Variants in DCK observed in about 807,000 individuals in gnomAD.
DCK encodes deoxycytidine kinase, also known as deoxyadenosine kinase.
DCK carries 23 observed loss-of-function variants against 38.3 expected under a neutral mutation model. The ratio of observed to expected loss-of-function variants is 0.60; its 90% CI spans 0.43 to 0.85. DCK has a LOEUF of 0.85. Among genes scored for constraint, DCK ranks in the 40% least tolerant of loss-of-function variants. The pLI is 0.00. For missense variants in DCK, 259 were observed against 304.4 expected (o/e 0.85, Z 1.11); for synonymous variants, 108 against 100.6 (o/e 1.07, Z -0.44).
At chr4:71,027,473 G>A (rs1267588018) in intron 6 of DCK, among the ~76,000 whole-genome samples, 4 of 152,200 alleles carry the variant, frequency 2.6e-5, no homozygotes, top group Admixed American at 6.5e-5. Flanking sequence ...AGAGAGAATA[G>A]TAAGGGAATT....
At chr4:71,016,806 G>T (rs949803671) in intron 2 of DCK, among the ~76,000 whole-genome samples, 1 of 152,152 alleles carries the variant, frequency 6.6e-6, no homozygotes, top group African/African-American at 2.4e-5. Flanking sequence ...AGACTTAAAT[G>T]TTAGACCTAA....
intron 1 of DCK, among the ~76,000 whole-genome samples, chr4:70,997,358 T>G (rs975481816): frequency 6.6e-6 from 1 of 152,196 alleles, no homozygotes; most frequent in African/African-American, 2.4e-5. Context: ...TGGTGGCCAG[T>G]GTTTTTACCA....
intron 2 of DCK, among the ~76,000 whole-genome samples, chr4:70,999,131 T>G (rs758118812): frequency 6.6e-6 from 1 of 152,160 alleles, no homozygotes; most frequent in Non-Finnish European, 1.5e-5. Context: ...CAACCCGTCA[T>G]CTACATTAGG....
At chr4:71,006,100 C>CA (rs1341554941) in intron 2 of DCK, among the ~76,000 whole-genome samples, 1,862 of 20,416 alleles carry the variant, frequency 0.091, 69 homozygotes, top group African/African-American at 0.29. Flanking sequence ...CACTCCATCT[C>CA]AAAAAAAAAA....
At position 71,012,071 on chromosome 4, in the gene DCK, T is replaced by TA. The variant is rs762496369; in HGVS notation, c.208-10295dup. 3.9e-5 allele frequency among the ~76,000 whole-genome samples: 6 copies of TA among 152,220 alleles called. No individual in the cohort carries two copies. The East Asian group carries it at 5.8e-4, about 15-fold the overall frequency. On this transcript the variant is annotated intron_variant, in intron 2 of 6. Transcript: ENST00000286648. ...ATTATCAAAAGAGGGGACTAAAACTTACCTATAACCTTATTATCCAGAGAT... is the reference window on the plus strand; with the variant it reads ...ATTATCAAAAGAGGGGACTAAAACTTAACCTATAACCTTATTATCCAGAGAT...
chr4:71,029,760 T>G lies in DCK; in HGVS notation c.*382T>G, dbSNP rs1740640740. 1 of 190,346 alleles carries G rather than the reference T, an allele frequency of 5.3e-6. No individual in the cohort carries two copies. Among genetic ancestry groups the G allele is most frequent in the Non-Finnish European group, 1.1e-5 (1 of 93,250 alleles). The allele number at this position is 190,346 out of a possible 1,614,324, so 11.8% of individuals were successfully genotyped here. On this transcript the variant is annotated 3_prime_UTR_variant, in exon 7 of 7. Transcript: ENST00000286648. ...GCCTCTCACTTCGTTGGTGACCAGT[T>G]TCTTAAACTGAAAGCTTTAATGTTA...
chr4:71,003,974 T>A (rs1488222109), intron 2 of DCK, among the ~76,000 whole-genome samples: 1 of 152,346 alleles, frequency 6.6e-6, no homozygotes, highest in Non-Finnish European at 1.5e-5. Flanking sequence ...GTCACACTTA[T>A]TCTCCATCCA....
chr4:71,014,301 C>T (rs191607590), intron 2 of DCK, among the ~76,000 whole-genome samples: 7 of 152,192 alleles, frequency 4.6e-5, no homozygotes, highest in African/African-American at 1.7e-4. Context: ...GAGACTTAGA[C>T]TCCCACACAA....
intron 1 of DCK, among the ~76,000 whole-genome samples, chr4:70,995,621 G>A (rs549547418): frequency 6.6e-6 from 1 of 151,970 alleles, no homozygotes; most frequent in South Asian, 2.1e-4. Flanking sequence ...ATAACCCCTC[G>A]GATCAATACC....
At chr4:71,011,208 G>C (rs1261959742) in intron 2 of DCK, among the ~76,000 whole-genome samples, 7 of 149,044 alleles carry the variant, frequency 4.7e-5, no homozygotes, top group African/African-American at 7.5e-5. Context: ...CTCCCAAAGG[G>C]CTGGGATTAC....
chr4:70,998,332 T>C (rs1739706193), intron 2 of DCK, 150 bp downstream of exon 2: 2 of 450,400 alleles, frequency 4.4e-6, no homozygotes, highest in East Asian at 6.9e-5. Context: ...TGGATATATA[T>C]ACAGTTGGCT....
intron 2 of DCK, among the ~76,000 whole-genome samples, chr4:71,014,488 A>G (rs1560684877): frequency 6.6e-6 from 1 of 152,238 alleles, no homozygotes; most frequent in Non-Finnish European, 1.5e-5. Context: ...ACCACATCGC[A>G]CTTATTCCAA....
chr4:70,994,950 A>T (rs58892293), intron 1 of DCK, among the ~76,000 whole-genome samples: 3,512 of 152,114 alleles, frequency 0.023, 148 homozygotes, highest in African/African-American at 0.081. Context: ...TGATAGATTT[A>T]AAAAAAAATT....
chr4:71,026,814 G>GC, intron 6 of DCK, 59 bp downstream of exon 6: 1 of 796,032 alleles, frequency 1.3e-6, no homozygotes, highest in South Asian at 1.6e-5. Context: ...GTACTGAGTG[G>GC]TGAGAAAACA....
At chr4:71,006,071 A>C (rs1351725968) in intron 2 of DCK, among the ~76,000 whole-genome samples, 1 of 143,352 alleles carries the variant, frequency 7.0e-6, no homozygotes, top group Non-Finnish European at 1.5e-5. Flanking sequence ...GGTTGCAGTG[A>C]GCCGAGATCG....
At chr4:71,006,133 C>CAAAAAAAAAAAAAAAAAAAACAA (rs67497388) in intron 2 of DCK, among the ~76,000 whole-genome samples, 2 of 104,338 alleles carry the variant, frequency 1.9e-5, no homozygotes, top group Admixed American at 1.1e-4. Flanking sequence ...ACAAAAACAC[C>CAAAAAAAAAAAAAAAAAAAACAA]AAAAAAAAAA....
At chr4:71,015,599 T>G (rs896545358) in intron 2 of DCK, among the ~76,000 whole-genome samples, 1 of 152,224 alleles carries the variant, frequency 6.6e-6, no homozygotes, top group Non-Finnish European at 1.5e-5. Flanking sequence ...TCAATTGTGC[T>G]TCATCCCTGG....
intron 4 of DCK, among the ~76,000 whole-genome samples, chr4:71,025,088 C>T (rs1227883723): frequency 6.6e-6 from 1 of 151,956 alleles, no homozygotes; most frequent in Non-Finnish European, 1.5e-5. Context: ...GCTTTTATTT[C>T]TTGGAATGCA....
At chr4:71,021,751 C>T (rs1221691085) in intron 2 of DCK, among the ~76,000 whole-genome samples, 3 of 152,050 alleles carry the variant, frequency 2.0e-5, no homozygotes, top group Non-Finnish European at 4.4e-5. Context: ...AGACGTAATC[C>T]CTGCACTTTG....
Sources: gnomAD v4.1 joint callset for allele counts (sites outside exome capture counted in the v4.1 genomes callset) on GRCh38, gnomAD v4.1.1 for gene constraint, MANE v1.5 for transcripts, NCBI Gene and HGNC (gene_info 2026-07-23, HGNC 2026-07-21) for gene names.